LDLRAD4: variants seen among roughly 807,000 people sequenced by gnomAD.
The protein encoded by LDLRAD4 is low-density lipoprotein receptor class A domain-containing protein 4.
A neutral mutation model predicts 17.0 loss-of-function variants in LDLRAD4; 5 were observed. That is an observed-to-expected ratio of 0.29 (90% CI 0.15 to 0.62). The LOEUF (loss-of-function observed/expected upper bound fraction) is 0.62, where lower values mean the gene tolerates loss of function less well. LDLRAD4 is among the 20% of genes least tolerant of loss of function. The pLI, the probability that LDLRAD4 is intolerant of heterozygous loss-of-function variation, is 0.84. For synonymous variants in LDLRAD4, 168 were observed against 171.8 expected, an observed-to-expected ratio of 0.98 and a Z score of 0.17; for missense variants, 340 against 424.7, an observed-to-expected ratio of 0.80 and a Z score of 1.75.
Position 13,284,712 on chromosome 18 carries a change from T to A in LDLRAD4, c.-383+6524T>A, listed in dbSNP as rs182204988. 3.3e-5 allele frequency among the ~76,000 whole-genome samples: 5 copies of A among 152,296 alleles called. No homozygotes were observed. In the East Asian group the frequency reaches 9.7e-4, roughly 29 times the overall value. The stretch of plus-strand genomic sequence containing the variant: ...TGTGTGGGTGAGGTGAGTCCTCTGG[T>A]GCGGTTTGGGGGGCAGTGCACCCCA... On this transcript the variant is annotated intron_variant, in intron 1 of 5. Coordinates refer to ENST00000359446, the Ensembl canonical transcript of LDLRAD4.
chr18:13,237,247 G>T (rs1598821088), intron 1 of LDLRAD4, among the ~76,000 whole-genome samples: 1 of 152,186 alleles, frequency 6.6e-6, no homozygotes, highest in Non-Finnish European at 1.5e-5. Context: ...ATGAGATGGC[G>T]CAGGTGCCCG....
intron 1 of LDLRAD4, among the ~76,000 whole-genome samples, chr18:13,326,526 T>G (rs1485664005): frequency 6.6e-6 from 1 of 152,208 alleles, no homozygotes; most frequent in East Asian, 1.9e-4. Flanking sequence ...GACTTCAGTT[T>G]TAACCTAGAA....
intron 2 of LDLRAD4, among the ~76,000 whole-genome samples, chr18:13,425,029 A>G (rs1483745274): frequency 6.6e-6 from 1 of 152,236 alleles, no homozygotes; most frequent in Non-Finnish European, 1.5e-5. Flanking sequence ...CATTCAGCAA[A>G]TATTTTTGAG....
chr18:13,621,281 C>G lies in LDLRAD4; in HGVS notation c.336+10C>G, dbSNP rs1366420268. 6.2e-7 allele frequency: 1 copy of G among 1,606,406 alleles called. No individual in the cohort carries two copies. The highest frequency in any genetic ancestry group is 2.2e-5 in the East Asian group (1 of 44,854). On this transcript the variant is annotated intron_variant, in intron 4 of 5. Coordinates refer to ENST00000359446, the Ensembl canonical transcript of LDLRAD4. This position sits in a 1 kb window ranked among gnomAD's most constrained non-coding sequence, Gnocchi z 5.5. ...GGACGGGCTGCCGCAGGTGAGTACC[C>G]TGGCCGCCCCGGCTCCAGAGTCAGG...
In LDLRAD4 at chr18:13,300,392, G is replaced by A. The variant is rs374378956; in HGVS notation, c.-383+22204G>A. 6.6e-6 allele frequency among the ~76,000 whole-genome samples: 1 copy of A among 152,214 alleles called. No individual in the cohort carries two copies. The highest frequency in any genetic ancestry group is 1.5e-5 in the Non-Finnish European group (1 of 68,028). The stretch of plus-strand genomic sequence containing the variant: ...CTCTGCAGGGCCTGGGAACTAGAGG[G>A]CAGGTTCTGTTCTGATGGCCTTTTT... On this transcript the variant is annotated intron_variant, in intron 1 of 5. Transcript: ENST00000359446. The surrounding 1 kb of genome is among the most constrained non-coding windows in gnomAD (Gnocchi z 4.2).
chr18:13,630,052 A>T (rs768001140), intron 4 of LDLRAD4, among the ~76,000 whole-genome samples: 1 of 151,866 alleles, frequency 6.6e-6, no homozygotes, highest in Non-Finnish European at 1.5e-5. Context: ...TCCCAGGCTG[A>T]TTCCTCTTGA....
chr18:13,610,388 A>G (rs2039430357), intron 3 of LDLRAD4, among the ~76,000 whole-genome samples: 1 of 146,624 alleles, frequency 6.8e-6, no homozygotes, highest in East Asian at 2.0e-4. Flanking sequence ...CCCAGTTGCA[A>G]GCAATTCTCC....
chr18:13,637,801 G>T (rs976027180), intron 4 of LDLRAD4, among the ~76,000 whole-genome samples: 1 of 151,520 alleles, frequency 6.6e-6, no homozygotes, highest in African/African-American at 2.4e-5. Flanking sequence ...GGGAGGCGGA[G>T]GTTGCAGTGA....
chr18:13,252,507 T>C (rs1382134757), intron 1 of LDLRAD4, among the ~76,000 whole-genome samples: 1 of 152,222 alleles, frequency 6.6e-6, no homozygotes, highest in East Asian at 1.9e-4. Context: ...CAGCCCCATG[T>C]CTGACCAGAT....
At chr18:13,571,464 G>A (rs1486958377) in intron 3 of LDLRAD4, among the ~76,000 whole-genome samples, 3 of 152,142 alleles carry the variant, frequency 2.0e-5, no homozygotes, top group Non-Finnish European at 4.4e-5. Context: ...CCACACTACT[G>A]CCTCTGGTAA....
intron 4 of LDLRAD4, chr18:13,642,836 A>AG: frequency 1.2e-6 from 1 of 862,536 alleles, no homozygotes; most frequent in Non-Finnish European, 1.5e-6. Context: ...TTTTGTTCAC[A>AG]GCCCTCCATG....
intron 1 of LDLRAD4, among the ~76,000 whole-genome samples, chr18:13,313,617 C>A (rs566023516): frequency 6.6e-6 from 1 of 152,346 alleles, no homozygotes; most frequent in Non-Finnish European, 1.5e-5. Flanking sequence ...AGTTAGGCTT[C>A]TTGGCCCTTA....
intron 1 of LDLRAD4, chr18:13,241,963 C>G (rs556164105): frequency 5.1e-4 from 77 of 152,392 alleles, no homozygotes; most frequent in African/African-American, 1.8e-3. Flanking sequence ...GGGCGGGTTT[C>G]TCACACGCGT....
chr18:13,392,661 A>G (rs2086366036), intron 2 of LDLRAD4, among the ~76,000 whole-genome samples: 1 of 152,160 alleles, frequency 6.6e-6, no homozygotes. Flanking sequence ...CTGGCTTGAG[A>G]TTCTGCCTCT....
intron 1 of LDLRAD4, among the ~76,000 whole-genome samples, chr18:13,308,676 C>G (rs1035112056): frequency 3.3e-5 from 5 of 152,242 alleles, no homozygotes; most frequent in African/African-American, 7.2e-5. Flanking sequence ...GCGCGTGTTT[C>G]ACATCAGAGC....
At chr18:13,353,969 T>G (rs1445026517) in intron 1 of LDLRAD4, among the ~76,000 whole-genome samples, 2 of 152,220 alleles carry the variant, frequency 1.3e-5, no homozygotes, top group African/African-American at 4.8e-5. Flanking sequence ...GTCTGCTATT[T>G]TGCTGATGTC....
intron 1 of LDLRAD4, among the ~76,000 whole-genome samples, chr18:13,325,735 G>A (rs1387268884): frequency 6.6e-6 from 1 of 152,088 alleles, no homozygotes; most frequent in Non-Finnish European, 1.5e-5. Context: ...GTAATGTGGG[G>A]ATGGCAATAT....
At chr18:13,649,670 T>C (rs1201816095) in exon 6 of LDLRAD4, 1 of 167,486 alleles carries the variant, frequency 6.0e-6, no homozygotes, top group Non-Finnish European at 1.3e-5. Context: ...TTATTGAATT[T>C]TGCTACTTAG....
At chr18:13,423,361 C>T (rs190643345) in intron 2 of LDLRAD4, among the ~76,000 whole-genome samples, 37 of 151,998 alleles carry the variant, frequency 2.4e-4, no homozygotes, top group Non-Finnish European at 3.8e-4. Flanking sequence ...GGCATGGTGG[C>T]GGGCTCCTGT....
Sources: allele counts gnomAD v4.1 joint callset (sites outside exome capture counted in the v4.1 genomes callset), GRCh38; gene constraint gnomAD v4.1.1; non-coding constraint Gnocchi (gnomAD v3.1); transcripts MANE v1.5; gene names NCBI Gene and HGNC (gene_info 2026-07-23, HGNC 2026-07-21).